NFAM1: variants seen among roughly 807,000 people sequenced by gnomAD.
NFAM1 encodes NFAT activation molecule 1.
NFAM1 carries 17 observed loss-of-function variants against 29.0 expected under a neutral mutation model. That is an observed-to-expected ratio of 0.59 (90% CI 0.40 to 0.88). The LOEUF is 0.88. Ranked by LOEUF, NFAM1 falls within the 40% of genes least tolerant of loss-of-function variation. The probability of loss-of-function intolerance (pLI) is 0.00; values close to 1 mark genes in which losing one functional copy is unlikely to be tolerated. For missense variants in NFAM1, 324 were observed against 344.6 expected, an observed-to-expected ratio of 0.94 and a Z score of 0.47; for synonymous variants, 175 against 147.2, an observed-to-expected ratio of 1.19 and a Z score of -1.36.
In NFAM1 at chr22:42,409,472, A is replaced by G; in HGVS notation, c.527T>C (p.Leu176Pro). 3 of 1,565,648 alleles carry G rather than the reference A, an allele frequency of 1.9e-6. No homozygotes were observed. Among genetic ancestry groups the G allele is most frequent in the South Asian group, 2.4e-5 (2 of 85,080 alleles). Residue 176 changes from leucine to proline, a missense_variant, in exon 3 of 6, where the codon CTG (leucine) becomes CCG (proline). Physicochemically the swap from Leu to Pro is moderately conservative, Grantham distance 98. Transcript: ENST00000329021. This position sits in a 1 kb window ranked among gnomAD's most constrained non-coding sequence, Gnocchi z 4.9. ...LFGFTGLLSV[L>P]SVVGTALLLW... ...CAGCAGGGCCGTGCCCACTACACTC[A>G]GGACACTCAGGAGGCCGGTGAAGCC...
At position 42,409,096 on chromosome 22, in the gene NFAM1, G is replaced by A. The variant is rs1482838906; in HGVS notation, c.564+339C>T. 6.6e-6 allele frequency among the ~76,000 whole-genome samples: 1 copy of A among 152,138 alleles called. No homozygotes were observed. The highest frequency in any genetic ancestry group is 2.4e-5 in the African/African-American group (1 of 41,414). On this transcript the variant is annotated intron_variant, in intron 3 of 5. Coordinates refer to ENST00000329021, the MANE Select transcript of NFAM1 (RefSeq NM_145912.8). This position sits in a 1 kb window ranked among gnomAD's most constrained non-coding sequence, Gnocchi z 4.9. ...CCCTTCATCCCTTCCAGCCTGCTGG[G>A]ATCAAGAAAACCTGAGCAGGGATTC...
chr22:42,400,247 G>A (rs569737908), intron 3 of NFAM1, among the ~76,000 whole-genome samples: 275 of 152,306 alleles, frequency 1.8e-3, no homozygotes, highest in African/African-American at 6.0e-3. Context: ...GACAGTTTAC[G>A]AAGTCTGCTG....
At chr22:42,425,674 T>A (rs2146555472) in intron 1 of NFAM1, among the ~76,000 whole-genome samples, 1 of 152,340 alleles carries the variant, frequency 6.6e-6, no homozygotes, top group African/African-American at 2.4e-5. Context: ...GCCTTGACCA[T>A]GACCCTGCAG....
chr22:42,422,057 C>G (rs890331922), intron 1 of NFAM1, among the ~76,000 whole-genome samples: 1 of 152,178 alleles, frequency 6.6e-6, no homozygotes, highest in African/African-American at 2.4e-5. Context: ...CTTTTAGCAC[C>G]GTTGCCTTTG....
Position 42,409,894 on chromosome 22 carries a change from G to T in NFAM1, c.452-347C>A, listed in dbSNP as rs1191613988. Among the ~76,000 whole-genome samples the T allele has an allele frequency of 6.6e-6, 1 of 152,158 alleles. No individual in the cohort carries two copies. The highest frequency in any genetic ancestry group is 1.5e-5 in the Non-Finnish European group (1 of 68,024). On this transcript the variant is annotated intron_variant, in intron 2 of 5. Transcript: ENST00000329021. The surrounding 1 kb of genome is among the most constrained non-coding windows in gnomAD (Gnocchi z 4.9). ...TGTGTGAGGTGGTGATAATACGGGT[G>T]GATGTGGCTAGGGCTGAAGGAGGCG... is the stretch of plus-strand genomic sequence containing the variant.
At chr22:42,433,635 G>A (rs1212296878), upstream of NFAM1, among the ~76,000 whole-genome samples, 3 of 152,172 alleles carry the variant, frequency 2.0e-5, no homozygotes, top group South Asian at 2.1e-4. Flanking sequence ...GCCTAAAGAC[G>A]TTTCCACCAA....
chr22:42,393,488 A>G (rs913590892), intron 4 of NFAM1, among the ~76,000 whole-genome samples: 2 of 151,822 alleles, frequency 1.3e-5, no homozygotes, highest in African/African-American at 4.8e-5. Flanking sequence ...AGCTCACAGC[A>G]ACCTCCGCCT....
rs1003445216 is a variant in NFAM1, at chr22:42,381,235, G to C, written c.*3926C>G. 1.3e-5 allele frequency: 2 copies of C among 152,880 alleles called. No homozygotes were observed. Among genetic ancestry groups the C allele is most frequent in the African/African-American group, 4.8e-5 (2 of 41,448 alleles). The allele number at this position is 152,880 out of a possible 1,614,324, so 9.5% of individuals were successfully genotyped here. On this transcript the variant is annotated 3_prime_UTR_variant, in exon 6 of 6. Transcript: ENST00000329021. ...ACACGTGGCAAGGAGGGCTTCAGCA[G>C]GCTCGCAGAACCGAGTGGCAAGGCC... is the stretch of plus-strand genomic sequence containing the variant.
chr22:42,423,132 A>G (rs1930504675), intron 1 of NFAM1, among the ~76,000 whole-genome samples: 1 of 151,628 alleles, frequency 6.6e-6, no homozygotes, highest in African/African-American at 2.4e-5. Flanking sequence ...AAAAAAAGGA[A>G]ATGAAGTGAG....
intron 1 of NFAM1, among the ~76,000 whole-genome samples, chr22:42,413,269 C>T (rs1465251133): frequency 6.6e-6 from 1 of 152,164 alleles, no homozygotes; most frequent in Non-Finnish European, 1.5e-5. Flanking sequence ...GGTGTGGGCC[C>T]TGCCTGTGGT....
intron 5 of NFAM1, among the ~76,000 whole-genome samples, chr22:42,386,376 A>C (rs1233358438): frequency 2.1e-5 from 3 of 140,522 alleles, no homozygotes; most frequent in African/African-American, 8.5e-5. Flanking sequence ...TCTGTCTCAA[A>C]ACAAAAACAA....
intron 3 of NFAM1, among the ~76,000 whole-genome samples, chr22:42,402,814 C>T (rs990860038): frequency 6.7e-6 from 1 of 150,322 alleles, no homozygotes; most frequent in South Asian, 2.1e-4. Context: ...AGACCCACAC[C>T]GGTCCCTCTG....
At position 42,409,850 on chromosome 22, in the gene NFAM1, C is replaced by A. The variant is rs1930023446; in HGVS notation, c.452-303G>T. 6.6e-6 allele frequency among the ~76,000 whole-genome samples: 1 copy of A among 152,172 alleles called. No individual in the cohort carries two copies. The highest frequency in any genetic ancestry group is 2.4e-5 in the African/African-American group (1 of 41,436). ...GCCCTGAGCGAGATGTCTCCCCTCT[C>A]GGGGCCTCTTCTTTTCCCTGTGTGA... On this transcript the variant is annotated intron_variant, in intron 2 of 5. Coordinates refer to ENST00000329021, the MANE Select transcript of NFAM1 (RefSeq NM_145912.8). This position sits in a 1 kb window ranked among gnomAD's most constrained non-coding sequence, Gnocchi z 4.9.
At position 42,425,613 on chromosome 22, in the gene NFAM1, C is replaced by T. The variant is rs779495847; in HGVS notation, c.121+6624G>A. 3.5e-4 allele frequency among the ~76,000 whole-genome samples: 54 copies of T among 152,320 alleles called. 2 individuals carry two copies. The highest frequency in any genetic ancestry group is 9.8e-4 in the Admixed American group (15 of 15,294). Reference sequence around the variant, plus strand: ...CAGGATGCTTTCAGCTGGCTGGCTCCGCTGCCACCAAGGAGGTCAGCAAAG... The same window carrying T: ...CAGGATGCTTTCAGCTGGCTGGCTCTGCTGCCACCAAGGAGGTCAGCAAAG... On this transcript the variant is annotated intron_variant, in intron 1 of 5. Coordinates refer to ENST00000329021, the MANE Select transcript of NFAM1 (RefSeq NM_145912.8).
intron 4 of NFAM1, among the ~76,000 whole-genome samples, chr22:42,390,811 C>T (rs536984916): frequency 2.3e-3 from 207 of 88,464 alleles, no homozygotes; most frequent in African/African-American, 9.5e-3. Flanking sequence ...AGTGAGACTC[C>T]GTCTCAAAAA....
intron 1 of NFAM1, among the ~76,000 whole-genome samples, chr22:42,422,404 G>A (rs1601759766): frequency 6.6e-6 from 1 of 151,984 alleles, no homozygotes; most frequent in Non-Finnish European, 1.5e-5. Flanking sequence ...TCAGTAGTTC[G>A]AGACCAGACT....
chr22:42,423,445 T>C (rs1449614269), intron 1 of NFAM1, among the ~76,000 whole-genome samples: 1 of 152,148 alleles, frequency 6.6e-6, no homozygotes, highest in Admixed American at 6.6e-5. Context: ...ATGTTCACTG[T>C]AGAAATTCTA....
At chr22:42,387,904 G>A (rs1569224925) in intron 4 of NFAM1, among the ~76,000 whole-genome samples, 2 of 152,190 alleles carry the variant, frequency 1.3e-5, no homozygotes, top group Non-Finnish European at 2.9e-5. Flanking sequence ...CCCTGTCCCT[G>A]GCCTCACGGC....
At chr22:42,413,278 G>C (rs960594054) in intron 1 of NFAM1, among the ~76,000 whole-genome samples, 1 of 152,182 alleles carries the variant, frequency 6.6e-6, no homozygotes, top group African/African-American at 2.4e-5. Flanking sequence ...CCTGCCTGTG[G>C]TGTGGGGCTG....
Sources: allele counts gnomAD v4.1 joint callset (sites outside exome capture counted in the v4.1 genomes callset), GRCh38; gene constraint gnomAD v4.1.1; non-coding constraint Gnocchi (gnomAD v3.1); transcripts MANE v1.5; gene names NCBI Gene and HGNC (gene_info 2026-07-23, HGNC 2026-07-21).